DAPK1: variants seen among roughly 807,000 people sequenced by gnomAD.
DAPK1 encodes death associated protein kinase 1, also known as death-associated protein kinase 1.
A neutral mutation model predicts 144.9 loss-of-function variants in DAPK1; 56 were observed. The ratio of observed to expected loss-of-function variants is 0.39; its 90% confidence interval spans 0.31 to 0.48. The LOEUF is 0.48. Ranked by LOEUF, DAPK1 falls within the 20% of genes least tolerant of loss-of-function variation. DAPK1 has a pLI of 0.95. For synonymous variants in DAPK1, 690 were observed against 749.0 expected, an observed-to-expected ratio of 0.92 and a Z score of 1.29; for missense variants, 1,454 against 1,875.4, an observed-to-expected ratio of 0.78 and a Z score of 4.15.
At chr9:87,651,762 G>C in intron 17 of DAPK1, 38 bp downstream of exon 17, 1 of 1,582,582 alleles carries the variant, frequency 6.3e-7, no homozygotes, top group South Asian at 1.1e-5. Flanking sequence ...GCTTCCAACT[G>C]TGTCCATCCA....
intron 2 of DAPK1, among the ~76,000 whole-genome samples, chr9:87,583,358 A>T (rs547793729): frequency 4.7e-4 from 72 of 152,322 alleles, no homozygotes; most frequent in Middle Eastern, 3.4e-3. Flanking sequence ...GTTGTTCCTC[A>T]GCATATTTAA....
chr9:87,690,971 G>A (rs969142614), intron 21 of DAPK1, among the ~76,000 whole-genome samples: 5 of 151,838 alleles, frequency 3.3e-5, no homozygotes, highest in Admixed American at 2.6e-4. Flanking sequence ...GGCCTATAAT[G>A]ATGATGATGT....
intron 19 of DAPK1, among the ~76,000 whole-genome samples, chr9:87,672,568 A>G (rs1824211146): frequency 6.6e-6 from 1 of 152,120 alleles, no homozygotes; most frequent in Non-Finnish European, 1.5e-5. Context: ...CAGGGTTCTA[A>G]TTCCCTCAGA....
At position 87,698,756 on chromosome 9, in the gene DAPK1, T is replaced by C. The variant is rs747373341; in HGVS notation, c.2712T>C (p.Tyr904=). The change falls in exon 23 of 26, where the codon TAT becomes TAC. Residue 904 remains tyrosine, a synonymous_variant. Coordinates refer to ENST00000408954, the MANE Select transcript of DAPK1 (RefSeq NM_004938.4). ...GACCGGCTGGAGGCGAGTTTGGATATGACAAAGACACATCGTTGCTGAAAG... is the reference window on the plus strand; with the variant it reads ...GACCGGCTGGAGGCGAGTTTGGATACGACAAAGACACATCGTTGCTGAAAG... ...VPRPAGGEFG[Y]DKDTSLLKEI... The C allele has an allele frequency of 6.2e-5, 100 of 1,607,460 alleles. No individual in the cohort carries two copies. Among genetic ancestry groups the C allele is most frequent in the Non-Finnish European group, 8.3e-5 (97 of 1,174,032 alleles).
chr9:87,675,588 G>A (rs890554429), intron 19 of DAPK1, among the ~76,000 whole-genome samples: 73 of 152,158 alleles, frequency 4.8e-4, no homozygotes, highest in Admixed American at 8.5e-4. Context: ...TGGGCCAAGT[G>A]CAGGCAGGTG....
intron 3 of DAPK1, among the ~76,000 whole-genome samples, chr9:87,623,691 T>C (rs1010306806): frequency 1.3e-5 from 2 of 152,148 alleles, no homozygotes; most frequent in Non-Finnish European, 2.9e-5. Context: ...TGAAAGGTTC[T>C]GGGTTCCTGA....
At chr9:87,652,270 C>A (rs1318378546) in intron 17 of DAPK1, among the ~76,000 whole-genome samples, 4 of 95,334 alleles carry the variant, frequency 4.2e-5, no homozygotes, top group African/African-American at 7.8e-5. Flanking sequence ...TCCATCCCCC[C>A]GATCCCGGGT....
In DAPK1 at chr9:87,708,348, T is replaced by G. The variant is rs1304122059; in HGVS notation, c.*984T>G. On this transcript the variant is annotated 3_prime_UTR_variant, in exon 26 of 26. Coordinates refer to ENST00000408954, the MANE Select transcript of DAPK1 (RefSeq NM_004938.4). ...ATGGTTTCCACATTTAGATCCTGGT[T>G]TCATAACTTCCTGTACTTGAAGTCT... 6.6e-6 allele frequency: 1 copy of G among 152,664 alleles called. No homozygotes were observed. Among genetic ancestry groups the G allele is most frequent in the Non-Finnish European group, 1.5e-5 (1 of 68,084 alleles). 9.5% of individuals were successfully genotyped at this position (152,664 alleles called of 1,614,324 possible). A position where few individuals can be genotyped will look rare whatever the true frequency, so the allele number is the denominator to read the frequency against.
Position 87,632,769 on chromosome 9 carries a change from T to C in DAPK1, c.285-5174T>C, listed in dbSNP as rs143014854. The C allele has an allele frequency of 4.3e-5, 42 of 981,512 alleles. No individual in the cohort carries two copies. The East Asian group carries it at 4.6e-3, about 107-fold the overall frequency. The allele number at this position is 981,512 out of a possible 1,614,324, so 60.8% of individuals were successfully genotyped here. On this transcript the variant is annotated intron_variant, in intron 3 of 25. Transcript: ENST00000408954. ...GTAGGGAAGAAGGAGGATGAGTATATATGTAGATATGAAGGAGAATCAGTG... is the reference window on the plus strand; with the variant it reads ...GTAGGGAAGAAGGAGGATGAGTATACATGTAGATATGAAGGAGAATCAGTG...
intron 2 of DAPK1, among the ~76,000 whole-genome samples, chr9:87,570,160 A>G (rs1370478767): frequency 6.6e-6 from 1 of 152,178 alleles, no homozygotes; most frequent in African/African-American, 2.4e-5. Context: ...TCCAGGAAAA[A>G]GAAGGCACAA....
chr9:87,639,587 C>A, intron 5 of DAPK1, 63 bp from the exon 6 acceptor site: 1 of 1,610,698 alleles, frequency 6.2e-7, no homozygotes, highest in South Asian at 1.1e-5. Flanking sequence ...CTGGTTGTTG[C>A]ATGAAGATAG....
rs1830696691 is a variant in DAPK1 at position 87,658,081 on chromosome 9, TC to T, written c.1879del (p.Arg627GlyfsTer5). 6.5e-7 allele frequency: 1 copy of T among 1,549,176 alleles called. No homozygotes were observed. Among genetic ancestry groups the T allele is most frequent in the Non-Finnish European group, 8.9e-7 (1 of 1,121,402 alleles). On this transcript the variant is annotated frameshift_variant, in exon 18 of 26. Transcript: ENST00000408954. LOFTEE classifies it high-confidence loss of function. ...GCCAACAACGGAATCCTAGACGTGG[TC>T]CGGTATCTCTGTCTGATGGGAGCCA... ...LAANNGILDV[V>X]RYLCLMGASV... is the part of the protein sequence containing the mutation.
rs552523729 is a variant in DAPK1 at position 87,685,461 on chromosome 9, A to G, written c.2225-1090A>G. On this transcript the variant is annotated intron_variant, in intron 20 of 25. Coordinates refer to ENST00000408954, the MANE Select transcript of DAPK1 (RefSeq NM_004938.4). ...TGTCTATTGTATTAATGGTAAACCA[A>G]TGGTACTGCAGTTAAGATCAATGAA... Among the ~76,000 whole-genome samples, 18 of 152,334 alleles carry G rather than the reference A, an allele frequency of 1.2e-4. No individual in the cohort carries two copies. In the South Asian group the frequency reaches 2.7e-3, roughly 23 times the overall value.
chr9:87,584,692 T>TGTGTG (rs879936030), intron 2 of DAPK1, among the ~76,000 whole-genome samples: 11 of 108,992 alleles, frequency 1.0e-4, no homozygotes, highest in Non-Finnish European at 2.1e-4. Flanking sequence ...GTGTGTGTGT[T>TGTGTG]TGAGATGGAG....
intron 18 of DAPK1, among the ~76,000 whole-genome samples, chr9:87,664,232 C>G (rs1830969511): frequency 6.6e-6 from 1 of 152,174 alleles, no homozygotes; most frequent in African/African-American, 2.4e-5. Flanking sequence ...TGGCTGGGTC[C>G]TGGGAAGCCC....
chr9:87,619,542 G>A (rs574468265), intron 3 of DAPK1, among the ~76,000 whole-genome samples: 9 of 152,292 alleles, frequency 5.9e-5, no homozygotes, highest in African/African-American at 1.9e-4. Context: ...ACTGCTTCCC[G>A]AAGGCTCTGC....
At chr9:87,646,437 T>C (rs967521729) in intron 12 of DAPK1, 24 bp from the exon 13 acceptor site, 2 of 1,563,868 alleles carry the variant, frequency 1.3e-6, no homozygotes, top group African/African-American at 2.7e-5. Context: ...TGAAAATTAG[T>C]AATTTTTTTC....
chr9:87,693,812 C>A (rs991051757), intron 21 of DAPK1, among the ~76,000 whole-genome samples: 1 of 151,964 alleles, frequency 6.6e-6, no homozygotes, highest in Non-Finnish European at 1.5e-5. Flanking sequence ...AGTGGCCATA[C>A]GATTTTTTTT....
intron 18 of DAPK1, among the ~76,000 whole-genome samples, chr9:87,664,187 C>G (rs1035203050): frequency 5.3e-5 from 8 of 152,146 alleles, no homozygotes; most frequent in African/African-American, 1.7e-4. Flanking sequence ...CAGCCTCTGC[C>G]CAGCCTCCCC....
Sources: gnomAD v4.1 joint callset for allele counts (sites outside exome capture counted in the v4.1 genomes callset) on GRCh38, gnomAD v4.1.1 for gene constraint, MANE v1.5 for transcripts, NCBI Gene and HGNC (gene_info 2026-07-23, HGNC 2026-07-21) for gene names.